Variants in AK7 observed in about 807,000 individuals in gnomAD.
AK7 encodes the protein adenylate kinase 7.
In AK7, 78 loss-of-function variants were observed where a neutral mutation model predicts 96.6. The ratio of observed to expected loss-of-function variants is 0.81; its 90% CI spans 0.67 to 0.97. The LOEUF (loss-of-function observed/expected upper bound fraction) is 0.97, where lower values mean the gene tolerates loss of function less well. AK7 is among the 50% of genes least tolerant of loss of function. The probability of loss-of-function intolerance (pLI) is 0.00; values close to 1 mark genes in which losing one functional copy is unlikely to be tolerated. For synonymous variants in AK7, 302 were observed against 317.2 expected (o/e 0.95, Z 0.51); for missense variants, 855 against 887.9 (o/e 0.96, Z 0.47).
chr14:96,479,666 T>C (rs923132141), intron 15 of AK7, among the ~76,000 whole-genome samples: 2 of 152,198 alleles, frequency 1.3e-5, no homozygotes, highest in African/African-American at 4.8e-5. Context: ...ATCGTCACCA[T>C]TATCATTCCT....
intron 15 of AK7, among the ~76,000 whole-genome samples, chr14:96,482,637 T>A (rs1304073168): frequency 1.3e-5 from 2 of 152,166 alleles, no homozygotes; most frequent in Non-Finnish European, 2.9e-5. Context: ...CTCCCACAAG[T>A]GCAGGACTTC....
chr14:96,403,762 G>C (rs1890546956), intron 2 of AK7, among the ~76,000 whole-genome samples: 1 of 152,148 alleles, frequency 6.6e-6, no homozygotes, highest in Non-Finnish European at 1.5e-5. Context: ...GAAATGCGGG[G>C]TCCTTTTATG....
intron 15 of AK7, among the ~76,000 whole-genome samples, chr14:96,478,939 CGCTCAGTTG>C (rs988280225): frequency 6.7e-5 from 10 of 150,136 alleles, no homozygotes; most frequent in African/African-American, 2.5e-4. Flanking sequence ...GATGGAGTCT[CGCTCAGTTG>C]CCCAAGCTGG....
chr14:96,465,596 A>T (rs1023547923), intron 12 of AK7, among the ~76,000 whole-genome samples: 2 of 152,236 alleles, frequency 1.3e-5, no homozygotes, highest in Admixed American at 1.3e-4. Flanking sequence ...AAAGTAGATT[A>T]ATGCCAAAAA....
chr14:96,472,306 C>T (rs1348835467), intron 13 of AK7, among the ~76,000 whole-genome samples: 2 of 152,154 alleles, frequency 1.3e-5, no homozygotes, highest in Non-Finnish European at 2.9e-5. Context: ...GGACTACAGG[C>T]GTGCATGACC....
chr14:96,397,719 C>A (rs1822371), intron 1 of AK7, among the ~76,000 whole-genome samples: 112,437 of 152,108 alleles, frequency 0.74, 42,154 homozygotes, highest in African/African-American at 0.85. Flanking sequence ...ACATCTTTAA[C>A]AATAAAATAA....
At chr14:96,478,170 G>A (rs1284513939) in intron 14 of AK7, among the ~76,000 whole-genome samples, 1 of 140,770 alleles carries the variant, frequency 7.1e-6, no homozygotes, top group Non-Finnish European at 1.5e-5. Flanking sequence ...AGGAAGGAAG[G>A]AAGGACAGAG....
intron 12 of AK7, among the ~76,000 whole-genome samples, chr14:96,468,973 A>G (rs1430125329): frequency 6.6e-6 from 1 of 152,108 alleles, no homozygotes; most frequent in Non-Finnish European, 1.5e-5. Context: ...TCTCTAAGAG[A>G]TCACATTTCT....
Position 96,446,459 on chromosome 14 carries a change from T to C in AK7, c.780-58T>C, listed in dbSNP as rs563981977. Reference sequence around the variant, plus strand: ...GGGGGTGGTGGTCAGTGAATTCTAGTTTACTGCATCTCTTTCGCTTTTTCC... The same window carrying C: ...GGGGGTGGTGGTCAGTGAATTCTAGCTTACTGCATCTCTTTCGCTTTTTCC... On this transcript the variant is annotated intron_variant, in intron 7 of 17. Coordinates refer to ENST00000267584, the MANE Select transcript of AK7 (RefSeq NM_152327.5). 8 of 1,472,710 alleles carry C rather than the reference T, an allele frequency of 5.4e-6. No individual in the cohort carries two copies. The East Asian group carries it at 9.1e-5, about 17-fold the overall frequency. 91.2% of individuals were successfully genotyped at this position (1,472,710 alleles called of 1,614,324 possible).
intron 6 of AK7, among the ~76,000 whole-genome samples, chr14:96,439,185 G>A (rs992976280): frequency 1.3e-5 from 2 of 152,004 alleles, no homozygotes; most frequent in African/African-American, 4.8e-5. Flanking sequence ...GTATACAGTG[G>A]GTACTTAAAT....
At chr14:96,434,030 G>A (rs1275359377) in intron 5 of AK7, among the ~76,000 whole-genome samples, 1 of 152,148 alleles carries the variant, frequency 6.6e-6, no homozygotes, top group Non-Finnish European at 1.5e-5. Flanking sequence ...AGGTCACATA[G>A]CTCTGCTTTG....
intron 6 of AK7, among the ~76,000 whole-genome samples, chr14:96,442,088 A>G (rs748761392): frequency 6.6e-6 from 1 of 152,178 alleles, no homozygotes; most frequent in Non-Finnish European, 1.5e-5. Flanking sequence ...CAACAATTCA[A>G]AATAATCTAA....
At chr14:96,436,928 C>T (rs559728856) in intron 5 of AK7, among the ~76,000 whole-genome samples, 1 of 152,206 alleles carries the variant, frequency 6.6e-6, no homozygotes, top group South Asian at 2.1e-4. Flanking sequence ...TCATCTTATT[C>T]TGGATTCAGG....
At chr14:96,455,255 C>T (rs555417659) in intron 10 of AK7, among the ~76,000 whole-genome samples, 16 of 152,140 alleles carry the variant, frequency 1.1e-4, no homozygotes, top group South Asian at 2.1e-4. Context: ...GAGGCTGAGG[C>T]GGGAGGATTC....
At chr14:96,394,022 T>A (rs1270108414) in intron 1 of AK7, among the ~76,000 whole-genome samples, 3 of 150,700 alleles carry the variant, frequency 2.0e-5, no homozygotes, top group Non-Finnish European at 2.9e-5. Flanking sequence ...GGCAGGAAAA[T>A]CACTTGAACC....
intron 4 of AK7, among the ~76,000 whole-genome samples, chr14:96,411,848 T>G (rs991398627): frequency 1.3e-5 from 2 of 152,174 alleles, no homozygotes; most frequent in Admixed American, 1.3e-4. Context: ...GAATCCAGCT[T>G]TCTTAATCAG....
intron 9 of AK7, 116 bp from the exon 10 acceptor site, chr14:96,451,305 T>C: frequency 1.1e-6 from 1 of 886,264 alleles, no homozygotes; most frequent in South Asian, 2.4e-5. Context: ...TTAATTGACT[T>C]CCACGTTTAG....
At chr14:96,417,483 T>C (rs1167560480) in intron 4 of AK7, among the ~76,000 whole-genome samples, 1 of 152,218 alleles carries the variant, frequency 6.6e-6, no homozygotes, top group African/African-American at 2.4e-5. Context: ...GAAGTGGATC[T>C]TCCCCTCAAC....
At chr14:96,459,079 T>C (rs2140129932) in intron 12 of AK7, among the ~76,000 whole-genome samples, 1 of 152,146 alleles carries the variant, frequency 6.6e-6, no homozygotes, top group East Asian at 1.9e-4. Flanking sequence ...GGCTCACACC[T>C]GTAATCCCAG....
Sources: allele counts gnomAD v4.1 joint callset (sites outside exome capture counted in the v4.1 genomes callset), GRCh38; gene constraint gnomAD v4.1.1; transcripts MANE v1.5; gene names NCBI Gene and HGNC (gene_info 2026-07-23, HGNC 2026-07-21).